Variants in KCNMB4 observed in about 807,000 individuals in gnomAD.
KCNMB4 encodes the protein potassium calcium-activated channel subfamily M regulatory beta subunit 4.
Under a neutral mutation model 20.7 loss-of-function variants are expected in KCNMB4, and 3 were observed. That is an observed-to-expected ratio of 0.14 (90% CI 0.07 to 0.37). KCNMB4 has a LOEUF of 0.37. KCNMB4 is among the 10% of genes least tolerant of loss of function. The pLI, the probability that KCNMB4 is intolerant of heterozygous loss-of-function variation, is 1.00. For synonymous variants in KCNMB4, 110 were observed against 113.4 expected (o/e 0.97, Z 0.19); for missense variants, 168 against 265.9 (o/e 0.63, Z 2.56).
At chr12:70,414,427 A>G (rs1868863431) in intron 2 of KCNMB4, among the ~76,000 whole-genome samples, 1 of 152,152 alleles carries the variant, frequency 6.6e-6, no homozygotes, top group African/African-American at 2.4e-5. Flanking sequence ...TTAAGATCAC[A>G]TGGCTAGGGA....
At chr12:70,426,410 CT>C (rs1190429731) in intron 2 of KCNMB4, among the ~76,000 whole-genome samples, 1 of 152,012 alleles carries the variant, frequency 6.6e-6, no homozygotes, top group East Asian at 1.9e-4. Context: ...ACTATTAGAA[CT>C]TTACACAATG....
At chr12:70,423,898 G>T (rs189666192) in intron 2 of KCNMB4, among the ~76,000 whole-genome samples, 1 of 152,304 alleles carries the variant, frequency 6.6e-6, no homozygotes, top group East Asian at 1.9e-4. Context: ...TTACATTTCA[G>T]GTTTAGTGGC....
intron 1 of KCNMB4, among the ~76,000 whole-genome samples, chr12:70,375,210 G>T (rs1883664301): frequency 6.6e-6 from 1 of 152,008 alleles, no homozygotes; most frequent in African/African-American, 2.4e-5. Context: ...CTTGTTTAGT[G>T]CTGTCTTTTG....
In KCNMB4 at chr12:70,422,802, T is replaced by A. The variant is rs1386484591; in HGVS notation, c.465-7683T>A. On this transcript the variant is annotated intron_variant, in intron 2 of 2. Coordinates refer to ENST00000258111, the MANE Select transcript of KCNMB4 (RefSeq NM_014505.6). The stretch of plus-strand genomic sequence containing the variant: ...GCCCCCGATCTCAGGGTTTTAAGAA[T>A]CACATTGGGAAAACCGACAGATGGA... 2.4e-6 allele frequency: 3 copies of A among 1,260,726 alleles called. No homozygotes were observed. In the African/African-American group the frequency reaches 4.7e-5, roughly 20 times the overall value. 78.1% of individuals were successfully genotyped at this position (1,260,726 alleles called of 1,614,324 possible).
chr12:70,388,319 T>G (rs1868273388), intron 1 of KCNMB4, among the ~76,000 whole-genome samples: 1 of 152,176 alleles, frequency 6.6e-6, no homozygotes, highest in African/African-American at 2.4e-5. Context: ...ATATACTGAT[T>G]TCTTTTCTTT....
chr12:70,403,417 C>T (rs12317106), intron 2 of KCNMB4, among the ~76,000 whole-genome samples: 1 of 152,144 alleles, frequency 6.6e-6, no homozygotes, highest in African/African-American at 2.4e-5. Flanking sequence ...ACTGCAACCT[C>T]TGCCTCTCAG....
At chr12:70,399,200 G>A (rs1007096099) in intron 1 of KCNMB4, among the ~76,000 whole-genome samples, 1 of 152,164 alleles carries the variant, frequency 6.6e-6, no homozygotes. Flanking sequence ...TTGAATAATT[G>A]TATGCTGTAA....
intron 2 of KCNMB4, among the ~76,000 whole-genome samples, chr12:70,427,723 C>G (rs1593350757): frequency 6.6e-6 from 1 of 152,148 alleles, no homozygotes; most frequent in Admixed American, 6.5e-5. Flanking sequence ...TCTTTTTACT[C>G]ACATTCTTTT....
chr12:70,400,220 C>G lies in KCNMB4; in HGVS notation c.348C>G (p.Ile116Met). 2.5e-6 allele frequency: 4 copies of G among 1,607,366 alleles called. No homozygotes were observed. Among genetic ancestry groups the G allele is most frequent in the Admixed American group, 1.7e-5 (1 of 58,940 alleles). ...TTCTATTTTGTTAGTGCTCCTATAT[C>G]CCTCCCTGTAAGAGAGAAAATCAGA... ...QLLTNPKCSY[I>M]PPCKRENQKN... The change falls in exon 2 of 3, where the codon ATC becomes ATG. Residue 116 changes from isoleucine (I) to methionine (M), a missense_variant. Ile to Met is a conservative substitution (Grantham distance 10, BLOSUM62 1). Transcript: ENST00000258111.
chr12:70,420,122 G>C (rs1869012544), intron 2 of KCNMB4, among the ~76,000 whole-genome samples: 2 of 152,142 alleles, frequency 1.3e-5, no homozygotes, highest in South Asian at 4.1e-4. Context: ...TACTTCTGTT[G>C]ATGATTTAAT....
rs369414177 is a variant in KCNMB4, at chr12:70,430,505, A to G, written c.485A>G (p.His162Arg). 8 of 1,613,124 alleles carry G rather than the reference A, an allele frequency of 5.0e-6. No homozygotes were observed. The highest frequency in any genetic ancestry group is 2.7e-5 in the African/African-American group (2 of 74,870). ...QHQRPDDVLLHRTHDEIVLLH... is the reference protein window; with the variant it reads ...QHQRPDDVLLRRTHDEIVLLH... ...TGCAGACCAGATGATGTGCTTCTGC[A>G]TCGCACTCATGATGAGATTGTCCTC... Residue 162 changes from histidine to arginine, a missense_variant, in exon 3 of 3, where the codon CAT (histidine) becomes CGT (arginine). By Grantham distance (29) the His-to-Arg change is conservative. Coordinates refer to ENST00000258111, the MANE Select transcript of KCNMB4 (RefSeq NM_014505.6).
At chr12:70,377,145 T>C (rs1307599841) in intron 1 of KCNMB4, among the ~76,000 whole-genome samples, 1 of 152,192 alleles carries the variant, frequency 6.6e-6, no homozygotes, top group African/African-American at 2.4e-5. Context: ...TAGTTATTTT[T>C]TTCTTTTTGC....
At chr12:70,396,350 G>C (rs1311002578) in intron 1 of KCNMB4, among the ~76,000 whole-genome samples, 1 of 152,212 alleles carries the variant, frequency 6.6e-6, no homozygotes, top group Non-Finnish European at 1.5e-5. Flanking sequence ...TGTCACCGAA[G>C]CTGGAGTGCA....
At chr12:70,430,106 T>C (rs1869320327) in intron 2 of KCNMB4, among the ~76,000 whole-genome samples, 1 of 152,092 alleles carries the variant, frequency 6.6e-6, no homozygotes, top group Admixed American at 6.6e-5. Flanking sequence ...AGTTCAGATT[T>C]GTTGGAGAAT....
chr12:70,386,706 C>T (rs576697748), intron 1 of KCNMB4, among the ~76,000 whole-genome samples: 1 of 151,710 alleles, frequency 6.6e-6, no homozygotes, highest in East Asian at 1.9e-4. Flanking sequence ...GCTTTTATTC[C>T]TGTTCTCACA....
At chr12:70,379,459 C>T (rs1287834064) in intron 1 of KCNMB4, among the ~76,000 whole-genome samples, 1 of 152,126 alleles carries the variant, frequency 6.6e-6, no homozygotes, top group Non-Finnish European at 1.5e-5. Flanking sequence ...CTGGCTGTCA[C>T]CCAGGCTGGA....
rs528982436 is a variant in KCNMB4, at chr12:70,422,847, A to G, written c.465-7638A>G. The stretch of plus-strand genomic sequence containing the variant: ...GATGGATAAAAAATAATTACCACAC[A>G]GTGTGAGTAAAACCTTTTAAAAAGT... On this transcript the variant is annotated intron_variant, in intron 2 of 2. Coordinates refer to ENST00000258111, the MANE Select transcript of KCNMB4 (RefSeq NM_014505.6). 1.0e-4 allele frequency: 128 copies of G among 1,226,432 alleles called. 1 individual carries two copies. The African/African-American group carries it at 1.7e-3, about 16-fold the overall frequency. The allele number at this position is 1,226,432 out of a possible 1,614,324, so 76.0% of individuals were successfully genotyped here.
At chr12:70,388,152 G>A (rs1298859607) in intron 1 of KCNMB4, among the ~76,000 whole-genome samples, 1 of 151,846 alleles carries the variant, frequency 6.6e-6, no homozygotes, top group Non-Finnish European at 1.5e-5. Flanking sequence ...GCAAATGATG[G>A]GATCTCATTC....
rs1476773111 is a variant in KCNMB4, at chr12:70,434,104, C to T, written c.*3451C>T. On this transcript the variant is annotated 3_prime_UTR_variant, in exon 3 of 3. Coordinates refer to ENST00000258111, the MANE Select transcript of KCNMB4 (RefSeq NM_014505.6). ...CAAGCTGATGGAAGCATGGGTGCCT[C>T]CTCCTTTGGCCCCAGCAGGAAGTTC... 6.6e-6 allele frequency: 1 copy of T among 152,250 alleles called. No individual in the cohort carries two copies. Among genetic ancestry groups the T allele is most frequent in the African/African-American group, 2.4e-5 (1 of 41,458 alleles). The allele number at this position is 152,250 out of a possible 1,614,324, so 9.4% of individuals were successfully genotyped here.
Sources: gnomAD v4.1 joint callset for allele counts (sites outside exome capture counted in the v4.1 genomes callset) on GRCh38, gnomAD v4.1.1 for gene constraint, MANE v1.5 for transcripts, NCBI Gene and HGNC (gene_info 2026-07-23, HGNC 2026-07-21) for gene names.